PALM2AKAP2: variants seen among roughly 807,000 people sequenced by gnomAD.
PALM2AKAP2 encodes the protein PALM2 and AKAP2 fusion.
A neutral mutation model predicts 71.5 loss-of-function variants in PALM2AKAP2; 37 were observed. The observed-to-expected ratio is 0.52, with a 90% CI of 0.40 to 0.68. The LOEUF is 0.68. PALM2AKAP2 is among the 30% of genes least tolerant of loss of function. PALM2AKAP2 has a pLI of 0.00. For missense variants in PALM2AKAP2, 1,224 were observed against 1,191.8 expected (o/e 1.03, Z -0.40); for synonymous variants, 468 against 478.8 (o/e 0.98, Z 0.29).
chr9:110,009,821 C>A (rs1305986718), intron 6 of PALM2AKAP2, among the ~76,000 whole-genome samples: 2 of 152,138 alleles, frequency 1.3e-5, no homozygotes, highest in African/African-American at 2.4e-5. Flanking sequence ...TGCAGATCCT[C>A]ATGTGTGTCC....
Position 109,886,140 on chromosome 9 carries a change from A to G in PALM2AKAP2, c.257+5459A>G, listed in dbSNP as rs573436489. On this transcript the variant is annotated intron_variant, in intron 3 of 9. Coordinates refer to the PALM2AKAP2 transcript ENST00000302798. ...CCTTTTTTGAATTTTTTGAATGTCC[A>G]CATCTTCTGTATGCTTTGCTTCTTT... Among the ~76,000 whole-genome samples, 3 of 152,312 alleles carry G rather than the reference A, an allele frequency of 2.0e-5. No individual in the cohort carries two copies. The South Asian group carries it at 6.2e-4, about 32-fold the overall frequency.
At chr9:109,787,436 T>C (rs1239141483) in intron 1 of PALM2AKAP2, among the ~76,000 whole-genome samples, 1 of 152,222 alleles carries the variant, frequency 6.6e-6, no homozygotes, top group Non-Finnish European at 1.5e-5. Context: ...GGAAATTAGA[T>C]AAATACTAGG....
At chr9:109,867,116 C>T in intron 1 of PALM2AKAP2, 3 of 456,062 alleles carry the variant, frequency 6.6e-6, no homozygotes, top group South Asian at 4.6e-5. Context: ...TGGATTGAGA[C>T]GTTTTTATTC....
At chr9:110,044,646 G>C (rs1387877006), upstream of PALM2AKAP2, among the ~76,000 whole-genome samples, 2 of 151,216 alleles carry the variant, frequency 1.3e-5, no homozygotes, top group Non-Finnish European at 2.9e-5. Flanking sequence ...CACCACACCC[G>C]GCCTTCCCTC....
intron 7 of PALM2AKAP2, among the ~76,000 whole-genome samples, chr9:110,043,184 C>T (rs868864178): frequency 2.0e-5 from 3 of 152,184 alleles, no homozygotes; most frequent in Non-Finnish European, 4.4e-5. Flanking sequence ...CACACATAAA[C>T]CCCTTCCTTC....
chr9:109,801,824 C>G (rs73655507), intron 1 of PALM2AKAP2, among the ~76,000 whole-genome samples: 1 of 152,092 alleles, frequency 6.6e-6, no homozygotes, highest in African/African-American at 2.4e-5. Context: ...GGTACTTGGC[C>G]TGCAGGAAGG....
At chr9:109,897,360 T>G (rs1488765125) in intron 3 of PALM2AKAP2, among the ~76,000 whole-genome samples, 1 of 152,112 alleles carries the variant, frequency 6.6e-6, no homozygotes, top group Admixed American at 6.6e-5. Context: ...GGCAGGTGGA[T>G]CACGAGTTCT....
chr9:110,019,561 G>A (rs1293093773), intron 7 of PALM2AKAP2, among the ~76,000 whole-genome samples: 3 of 152,132 alleles, frequency 2.0e-5, no homozygotes, highest in South Asian at 2.1e-4. Flanking sequence ...GTTCATCAGC[G>A]GTAGACTGGA....
chr9:110,098,131 G>A (rs1230123847), intron 1 of PALM2AKAP2, among the ~76,000 whole-genome samples: 2 of 142,324 alleles, frequency 1.4e-5, no homozygotes, highest in African/African-American at 2.9e-5. Flanking sequence ...GCTTCGGCTC[G>A]GCATCAGAGG....
intron 6 of PALM2AKAP2, among the ~76,000 whole-genome samples, chr9:109,985,312 C>T (rs1564245890): frequency 6.6e-6 from 1 of 152,140 alleles, no homozygotes; most frequent in Non-Finnish European, 1.5e-5. Flanking sequence ...TGTGCTTGGG[C>T]TTTTTCCCCA....
chr9:109,649,996 C>T (rs1367880865), intron 1 of PALM2AKAP2, among the ~76,000 whole-genome samples: 2 of 152,152 alleles, frequency 1.3e-5, no homozygotes, highest in Admixed American at 6.6e-5. Flanking sequence ...CAGGGCAAAT[C>T]GACTACAAAG....
At chr9:109,772,705 A>G (rs941053781) in intron 1 of PALM2AKAP2, among the ~76,000 whole-genome samples, 2 of 152,246 alleles carry the variant, frequency 1.3e-5, no homozygotes, top group Non-Finnish European at 2.9e-5. Flanking sequence ...TGGTGCTGGC[A>G]TTTTCATTTA....
chr9:109,892,451 G>T (rs1364645370), intron 3 of PALM2AKAP2, among the ~76,000 whole-genome samples: 1 of 152,156 alleles, frequency 6.6e-6, no homozygotes, highest in East Asian at 1.9e-4. Flanking sequence ...CATATTCATA[G>T]GTTCTGGGGG....
chr9:109,751,697 A>G (rs1039457032), intron 1 of PALM2AKAP2, among the ~76,000 whole-genome samples: 1 of 152,178 alleles, frequency 6.6e-6, no homozygotes, highest in Non-Finnish European at 1.5e-5. Context: ...TACCCATCTC[A>G]TAGAGCAAGA....
At chr9:109,737,005 C>A (rs775106204) in intron 1 of PALM2AKAP2, among the ~76,000 whole-genome samples, 7 of 152,184 alleles carry the variant, frequency 4.6e-5, no homozygotes, top group African/African-American at 7.2e-5. Flanking sequence ...TCATTGGGAA[C>A]TAGAAAGCAT....
intron 1 of PALM2AKAP2, among the ~76,000 whole-genome samples, chr9:110,071,064 T>C (rs1163926034): frequency 6.7e-6 from 1 of 149,374 alleles, no homozygotes; most frequent in Non-Finnish European, 1.5e-5. Flanking sequence ...TGTGGGAGGC[T>C]GAGGCAGGAG....
chr9:109,791,104 C>T (rs1392993076), intron 1 of PALM2AKAP2, among the ~76,000 whole-genome samples: 1 of 152,112 alleles, frequency 6.6e-6, no homozygotes, highest in Non-Finnish European at 1.5e-5. Context: ...CAGAGGAGGT[C>T]CTGGAGGCAG....
intron 3 of PALM2AKAP2, among the ~76,000 whole-genome samples, chr9:109,900,347 G>A (rs1830300451): frequency 6.6e-6 from 1 of 152,212 alleles, no homozygotes; most frequent in Non-Finnish European, 1.5e-5. Context: ...TATCCATTGA[G>A]TGTCATGCAT....
At chr9:109,872,982 T>C (rs549643999) in intron 2 of PALM2AKAP2, among the ~76,000 whole-genome samples, 28 of 152,330 alleles carry the variant, frequency 1.8e-4, no homozygotes, top group African/African-American at 6.7e-4. Context: ...GGCTTCTCCC[T>C]GGGTGGACTG....
Sources: allele counts gnomAD v4.1 joint callset (sites outside exome capture counted in the v4.1 genomes callset), GRCh38; gene constraint gnomAD v4.1.1; transcripts MANE v1.5; gene names NCBI Gene and HGNC (gene_info 2026-07-23, HGNC 2026-07-21).